Variants in RCOR1 observed in about 807,000 individuals in gnomAD.
The protein encoded by RCOR1 is REST corepressor.
Under a neutral mutation model 64.0 loss-of-function variants are expected in RCOR1, and 12 were observed. That is an observed-to-expected ratio of 0.19 (90% confidence interval 0.12 to 0.30). RCOR1 has a LOEUF of 0.30. Ranked by LOEUF, RCOR1 falls within the 10% of genes least tolerant of loss-of-function variation. The pLI, the probability that RCOR1 is intolerant of heterozygous loss-of-function variation, is 1.00. For synonymous variants in RCOR1, 279 were observed against 227.2 expected (o/e 1.23, Z -2.05); for missense variants, 502 against 621.2 (o/e 0.81, Z 2.04).
chr14:102,669,416 A>G (rs970307959), intron 2 of RCOR1, among the ~76,000 whole-genome samples: 5 of 152,214 alleles, frequency 3.3e-5, no homozygotes, highest in Middle Eastern at 3.2e-3. Flanking sequence ...GAGAATTCTT[A>G]AGCCATTTAA....
chr14:102,609,875 C>T lies in RCOR1; in HGVS notation c.361+16550C>T, dbSNP rs1192606056. Among the ~76,000 whole-genome samples the T allele has an allele frequency of 2.6e-5, 4 of 151,874 alleles. No individual in the cohort carries two copies. In the East Asian group the frequency reaches 7.7e-4, roughly 29 times the overall value. ...TCCTTTAAGGCCGGGTGCAGTGGCT[C>T]ACCCCTGTAATCCCAGCACTTTGGG... On this transcript the variant is annotated intron_variant, in intron 2 of 11. Transcript: ENST00000262241.
At chr14:102,629,769 A>G (rs1455344020) in intron 2 of RCOR1, among the ~76,000 whole-genome samples, 2 of 152,202 alleles carry the variant, frequency 1.3e-5, no homozygotes, top group Non-Finnish European at 2.9e-5. Flanking sequence ...GTGTAAGGGC[A>G]GCACTGTGTT....
At chr14:102,620,013 C>T (rs1893841456) in intron 2 of RCOR1, among the ~76,000 whole-genome samples, 1 of 152,200 alleles carries the variant, frequency 6.6e-6, no homozygotes, top group African/African-American at 2.4e-5. Context: ...CTCATTGCTT[C>T]CACAGTTCCT....
Position 102,690,400 on chromosome 14 carries a change from A to T in RCOR1, c.445+8422A>T, listed in dbSNP as rs544580054. Among the ~76,000 whole-genome samples, 11 of 152,210 alleles carry T rather than the reference A, an allele frequency of 7.2e-5. No homozygotes were observed. In the South Asian group the frequency reaches 2.3e-3, roughly 32 times the overall value. ...TAAGTTAAAGTCAAAAGAACCTGAC[A>T]CACCCTGGGCAGCATGGCAAAACTC... On this transcript the variant is annotated intron_variant, in intron 3 of 11. Coordinates refer to ENST00000262241, the MANE Select transcript of RCOR1 (RefSeq NM_015156.4).
At chr14:102,663,705 A>T (rs1894867244) in intron 2 of RCOR1, among the ~76,000 whole-genome samples, 1 of 152,142 alleles carries the variant, frequency 6.6e-6, no homozygotes, top group African/African-American at 2.4e-5. Context: ...CTGATAGGGC[A>T]GTGTTAAGAG....
chr14:102,721,607 A>G lies in RCOR1; in HGVS notation c.1189+230A>G, dbSNP rs148665058. The G allele has an allele frequency of 0.011, 3,819 of 346,424 alleles. 37 individuals carry two copies. The highest frequency in any genetic ancestry group is 0.017 in the Admixed American group (376 of 21,864). The allele number at this position is 346,424 out of a possible 1,614,324, so 21.5% of individuals were successfully genotyped here. A position where few individuals can be genotyped will look rare whatever the true frequency, so the allele number is the denominator to read the frequency against. On this transcript the variant is annotated intron_variant, in intron 10 of 11. Transcript: ENST00000262241. ...AAAAAGAGCTTAGGAGCATTGGTAG[A>G]TTTTAGGGAAAAGTTACGTCCTGCC...
chr14:102,656,065 T>C, intron 2 of RCOR1: 1 of 985,418 alleles, frequency 1.0e-6, no homozygotes, highest in East Asian at 1.1e-4. Flanking sequence ...GTAATGTTTC[T>C]TGATGTACCC....
At chr14:102,631,267 A>G (rs1010993526) in intron 2 of RCOR1, among the ~76,000 whole-genome samples, 25 of 151,458 alleles carry the variant, frequency 1.7e-4, no homozygotes, top group South Asian at 4.2e-4. Context: ...CAGTGGCGCA[A>G]TCTCGGCTCA....
At chr14:102,628,457 TTCTC>T (rs763203451) in intron 2 of RCOR1, among the ~76,000 whole-genome samples, 9 of 151,380 alleles carry the variant, frequency 5.9e-5, no homozygotes, top group East Asian at 1.9e-4. Flanking sequence ...TCCCCCGCTT[TTCTC>T]TCTCTCTCTC....
At chr14:102,699,963 A>G (rs1433534592) in intron 3 of RCOR1, among the ~76,000 whole-genome samples, 1 of 151,948 alleles carries the variant, frequency 6.6e-6, no homozygotes, top group Non-Finnish European at 1.5e-5. Flanking sequence ...TTTCCTTGGT[A>G]TTTTCCATGG....
intron 8 of RCOR1, among the ~76,000 whole-genome samples, chr14:102,715,572 G>C (rs543582331): frequency 6.6e-6 from 1 of 151,188 alleles, no homozygotes; most frequent in South Asian, 2.1e-4. Context: ...TGGTAGAGAC[G>C]GGGTTTTGCC....
intron 2 of RCOR1, among the ~76,000 whole-genome samples, chr14:102,620,516 G>A (rs1279816229): frequency 3.9e-5 from 6 of 152,140 alleles, no homozygotes; most frequent in African/African-American, 4.8e-5. Context: ...GTGGTGAGCC[G>A]AGATCGTGCC....
chr14:102,644,815 C>T (rs1894446971), intron 2 of RCOR1, among the ~76,000 whole-genome samples: 1 of 152,242 alleles, frequency 6.6e-6, no homozygotes, highest in Admixed American at 6.5e-5. Flanking sequence ...CAGCAGGGCA[C>T]ACGTTACCAA....
chr14:102,596,756 G>A (rs1893258585), intron 2 of RCOR1, among the ~76,000 whole-genome samples: 1 of 151,846 alleles, frequency 6.6e-6, no homozygotes, highest in Admixed American at 6.6e-5. Flanking sequence ...TTAGAGATGC[G>A]GTTTCACCAT....
intron 3 of RCOR1, among the ~76,000 whole-genome samples, chr14:102,700,628 C>T (rs746020150): frequency 2.8e-4 from 42 of 152,282 alleles, no homozygotes; most frequent in East Asian, 5.8e-4. Context: ...CTCAGCTTTC[C>T]GAAGTGTTAG....
At chr14:102,726,026 C>G (rs1387007754) in intron 11 of RCOR1, among the ~76,000 whole-genome samples, 1 of 152,112 alleles carries the variant, frequency 6.6e-6, no homozygotes, top group African/African-American at 2.4e-5. Context: ...ACACGCTTGC[C>G]CTGCCCTTAA....
chr14:102,592,723 C>G lies in RCOR1; in HGVS notation c.-164C>G, dbSNP rs1376126323. 1.6e-6 allele frequency: 2 copies of G among 1,225,208 alleles called. No individual in the cohort carries two copies. The highest frequency in any genetic ancestry group is 4.1e-5 in the South Asian group (1 of 24,276). 75.9% of individuals were successfully genotyped at this position (1,225,208 alleles called of 1,614,324 possible). On this transcript the variant is annotated 5_prime_UTR_variant, in exon 1 of 12. Coordinates refer to ENST00000262241, the MANE Select transcript of RCOR1 (RefSeq NM_015156.4). ...CGTCGCTGGGGGCTTGAAGCGGCTCCGCGCTCTGCCCGTTTGGGCCTCCCC... is the reference window on the plus strand; with the variant it reads ...CGTCGCTGGGGGCTTGAAGCGGCTCGGCGCTCTGCCCGTTTGGGCCTCCCC...
At chr14:102,686,823 T>A (rs1895431291) in intron 3 of RCOR1, among the ~76,000 whole-genome samples, 1 of 152,224 alleles carries the variant, frequency 6.6e-6, no homozygotes, top group Non-Finnish European at 1.5e-5. Flanking sequence ...TCTGGTGTAT[T>A]GTCATGCTAG....
intron 2 of RCOR1, among the ~76,000 whole-genome samples, chr14:102,680,390 G>T (rs1303073187): frequency 6.6e-6 from 1 of 152,102 alleles, no homozygotes; most frequent in Non-Finnish European, 1.5e-5. Context: ...AATACAGCAG[G>T]ACTTATTTGT....
Sources: allele counts gnomAD v4.1 joint callset (sites outside exome capture counted in the v4.1 genomes callset), GRCh38; gene constraint gnomAD v4.1.1; transcripts MANE v1.5; gene names NCBI Gene and HGNC (gene_info 2026-07-23, HGNC 2026-07-21).